The following HPS5 variants were observed in gnomAD, a reference collection of about 807,000 sequenced individuals.
The protein encoded by HPS5 is HPS5 biogenesis of lysosomal organelles complex 2 subunit 2, also known as BLOC-2 complex member HPS5.
Under a neutral mutation model 128.0 loss-of-function variants are expected in HPS5, and 83 were observed. The ratio of observed to expected loss-of-function variants is 0.65; its 90% CI spans 0.54 to 0.78. The LOEUF is 0.78. HPS5 is among the 30% of genes least tolerant of loss of function. The pLI is 0.00. For synonymous variants in HPS5, 475 were observed against 470.2 expected (o/e 1.01, Z -0.13); for missense variants, 1,281 against 1,326.2 (o/e 0.97, Z 0.53).
intron 12 of HPS5, 167 bp from the exon 13 acceptor site, chr11:18,296,289 A>G: frequency 1.5e-6 from 1 of 678,516 alleles, no homozygotes; most frequent in Non-Finnish European, 2.5e-6. Context: ...TACAAAATGC[A>G]TGGGATGGTC....
chr11:18,316,433 C>T (rs1863638368), intron 2 of HPS5, among the ~76,000 whole-genome samples: 1 of 152,148 alleles, frequency 6.6e-6, no homozygotes, highest in Non-Finnish European at 1.5e-5. Context: ...GTGAGATATA[C>T]TCATTTATAC....
At chr11:18,304,223 T>G (rs1490359323) in intron 8 of HPS5, among the ~76,000 whole-genome samples, 2 of 151,604 alleles carry the variant, frequency 1.3e-5, no homozygotes, top group East Asian at 1.9e-4. Flanking sequence ...TCACTTTTTT[T>G]TTTTTTTTTT....
rs756954643 is a variant in HPS5, at chr11:18,291,877, A to G, written c.2005T>C (p.Leu669=). 1.4e-5 allele frequency: 22 copies of G among 1,607,126 alleles called. No individual in the cohort carries two copies. The highest frequency in any genetic ancestry group is 1.7e-5 in the Non-Finnish European group (20 of 1,176,538). ...TTAACTAATAGCACATCCTGGTTCA[A>G]TTTCATGGATGAGTTGTCAGTATCT... ...VSDTDNSSMK[L]NQDVLLVNES... is the part of the protein sequence containing the mutation. Residue 669 remains leucine (L), a synonymous_variant, in exon 16 of 23, where the codon TTG becomes CTG. Coordinates refer to ENST00000349215, the MANE Select transcript of HPS5 (RefSeq NM_181507.2).
Position 18,287,563 on chromosome 11 carries a change from G to C in HPS5, c.2689C>G (p.Leu897Val). 2 of 1,614,180 alleles carry C rather than the reference G, an allele frequency of 1.2e-6. No homozygotes were observed. Among genetic ancestry groups the C allele is most frequent in the Non-Finnish European group, 1.7e-6 (2 of 1,180,022 alleles). Residue 897 changes from leucine (L) to valine (V), a missense_variant, in exon 18 of 23, where the codon CTG (leucine) becomes GTG (valine). Leu to Val is a conservative substitution (Grantham distance 32). Coordinates refer to ENST00000349215, the MANE Select transcript of HPS5 (RefSeq NM_181507.2). The stretch of plus-strand genomic sequence containing the variant: ...TGATCTTCAGGCCTTGATTTCACCA[G>C]ACTGTCTAAATAGGCCAAAAACTCA... Reference protein sequence around the residue: ...PAEFLAYLDSLVKSRPEDQRS... With the variant: ...PAEFLAYLDSVVKSRPEDQRS...
intron 13 of HPS5, among the ~76,000 whole-genome samples, chr11:18,295,699 T>G (rs1487974557): frequency 1.3e-5 from 2 of 152,156 alleles, no homozygotes; most frequent in Admixed American, 1.3e-4. Flanking sequence ...AACTGACCAT[T>G]AGAAAGGATC....
At chr11:18,292,531 G>C (rs1860539119) in intron 15 of HPS5, among the ~76,000 whole-genome samples, 1 of 152,114 alleles carries the variant, frequency 6.6e-6, no homozygotes, top group Non-Finnish European at 1.5e-5. Context: ...GGCTATCTCT[G>C]CCCCAAACTG....
Position 18,296,140 on chromosome 11 carries a change from GA to G in HPS5, c.1511-19del. ...AACATTGTCTAATGAATGGAATCAG[GA>G]AAAAAAGAAACAAAATCTAATCACG... is the stretch of plus-strand genomic sequence containing the variant. On this transcript the variant is annotated intron_variant, in intron 12 of 22. Transcript: ENST00000349215. The G allele has an allele frequency of 6.2e-7, 1 of 1,609,340 alleles. No individual in the cohort carries two copies. Among genetic ancestry groups the G allele is most frequent in the Non-Finnish European group, 8.5e-7 (1 of 1,176,512 alleles).
intron 14 of HPS5, among the ~76,000 whole-genome samples, chr11:18,293,209 C>T (rs1860649765): frequency 6.6e-6 from 1 of 152,030 alleles, no homozygotes; most frequent in South Asian, 2.1e-4. Flanking sequence ...CGCTCTGTTG[C>T]CTAGGCTGGA....
intron 2 of HPS5, among the ~76,000 whole-genome samples, chr11:18,315,405 G>A (rs1353636626): frequency 9.9e-5 from 15 of 152,108 alleles, no homozygotes; most frequent in Admixed American, 9.8e-4. Context: ...CTGAGGCTAG[G>A]AGTTTGGGAC....
Position 18,292,833 on chromosome 11 carries a change from T to C in HPS5, c.1862+66A>G, listed in dbSNP as rs1031056193. The C allele has an allele frequency of 2.6e-6, 3 of 1,170,986 alleles. No individual in the cohort carries two copies. The Admixed American group carries it at 5.0e-5, about 20-fold the overall frequency. 72.5% of individuals were successfully genotyped at this position (1,170,986 alleles called of 1,614,324 possible). ...CAAGGCCCATAAAAAACTTACAATA[T>C]AATGATTCACTTCGTTTACTAAACT... On this transcript the variant is annotated intron_variant, in intron 15 of 22. Transcript: ENST00000349215.
intron 1 of HPS5, among the ~76,000 whole-genome samples, chr11:18,319,255 CCACACACACACACACA>C (rs10531816): frequency 2.8e-4 from 39 of 139,218 alleles, no homozygotes; most frequent in South Asian, 1.4e-3. Context: ...AAGACAAATA[CCACACACACACACACA>C]CACACACACA....
intron 18 of HPS5, 104 bp from the exon 19 acceptor site, chr11:18,286,814 G>A: frequency 1.4e-6 from 2 of 1,393,940 alleles, no homozygotes; most frequent in Non-Finnish European, 2.0e-6. Flanking sequence ...GAATATAGAA[G>A]AAGAAATAAC....
intron 19 of HPS5, among the ~76,000 whole-genome samples, chr11:18,285,833 A>G (rs1859641880): frequency 6.6e-6 from 1 of 152,238 alleles, no homozygotes; most frequent in Admixed American, 6.5e-5. Context: ...TTCTGACACA[A>G]GTACCAGTGT....
Position 18,285,442 on chromosome 11 carries a change from A to C in HPS5, c.2855T>G (p.Leu952Arg), listed in dbSNP as rs1346561798. The change falls in exon 20 of 23, where the codon CTT (leucine) becomes CGT (arginine). Residue 952 changes from leucine to arginine, a missense_variant. Coordinates refer to ENST00000349215, the MANE Select transcript of HPS5 (RefSeq NM_181507.2). ...EGYPRPHSHL[L>R]SWGYSQLILH... ...GATCAGCTGACTGTAACCCCAGGAA[A>C]GCAAGTGTGAATGAGGCCTATGAAA... The C allele has an allele frequency of 6.2e-7, 1 of 1,611,152 alleles. No individual in the cohort carries two copies. Among genetic ancestry groups the C allele is most frequent in the Non-Finnish European group, 8.5e-7 (1 of 1,177,500 alleles).
chr11:18,297,846 G>A (rs546873793), intron 10 of HPS5, 129 bp from the exon 11 acceptor site: 18 of 819,424 alleles, frequency 2.2e-5, no homozygotes, highest in Admixed American at 2.0e-4. Context: ...CTGGGAGGCC[G>A]AGGCGGGCAG....
chr11:18,297,698 GCAGT>G lies in HPS5; in HGVS notation c.1180_1183del (p.Thr394GlnfsTer7), dbSNP rs1861236475. ...AGATTTCAAATGCTCCAATTTATCTGCAGTCAAAGTTTTTCTTGCCTAATAAAAC... is the reference window on the plus strand; with the variant it reads ...AGATTTCAAATGCTCCAATTTATCTGCAAAGTTTTTCTTGCCTAATAAAAC... On this transcript the variant is annotated frameshift_variant, in exon 11 of 23. Coordinates refer to ENST00000349215, the MANE Select transcript of HPS5 (RefSeq NM_181507.2). LOFTEE classifies it high-confidence loss of function. 1.9e-6 allele frequency: 3 copies of G among 1,613,846 alleles called. No homozygotes were observed. Among genetic ancestry groups the G allele is most frequent in the East Asian group, 2.2e-5 (1 of 44,888 alleles).
chr11:18,282,963 T>C (rs1314911212), intron 21 of HPS5, among the ~76,000 whole-genome samples: 3 of 152,110 alleles, frequency 2.0e-5, no homozygotes, highest in East Asian at 1.9e-4. Flanking sequence ...TGGAAGACAA[T>C]GTGACACAGG....
Position 18,291,463 on chromosome 11 carries a change from T to C in HPS5, c.2419A>G (p.Thr807Ala). The change falls in exon 16 of 23, where the codon ACT becomes GCT. Residue 807 changes from threonine (T) to alanine (A), a missense_variant. Physicochemically the swap from Thr to Ala is moderately conservative, Grantham distance 58. Coordinates refer to ENST00000349215, the MANE Select transcript of HPS5 (RefSeq NM_181507.2). Reference protein sequence around the residue: ...SYSNSPSVWDTFIEGLKEMAS... With the variant: ...SYSNSPSVWDAFIEGLKEMAS... ...TTACCTTTCAATCCTTCAATAAAAG[T>C]ATCCCAAACAGAAGGGCTATTACTG... 1.2e-6 allele frequency: 2 copies of C among 1,606,348 alleles called. No homozygotes were observed. Among genetic ancestry groups the C allele is most frequent in the Non-Finnish European group, 1.7e-6 (2 of 1,172,946 alleles).
At chr11:18,301,674 G>T (rs1422103058) in intron 8 of HPS5, among the ~76,000 whole-genome samples, 2 of 152,042 alleles carry the variant, frequency 1.3e-5, no homozygotes, top group Admixed American at 6.6e-5. Context: ...AGTTGTGTGT[G>T]CGCAACAAAA....
Sources: allele counts gnomAD v4.1 joint callset (sites outside exome capture counted in the v4.1 genomes callset), GRCh38; gene constraint gnomAD v4.1.1; transcripts MANE v1.5; gene names NCBI Gene and HGNC (gene_info 2026-07-23, HGNC 2026-07-21).